FHOD3: variants seen among roughly 807,000 people sequenced by gnomAD.
FHOD3 encodes the protein FH1/FH2 domain-containing protein 3.
Under a neutral mutation model 173.0 loss-of-function variants are expected in FHOD3, and 90 were observed. That is an observed-to-expected ratio of 0.52 (90% CI 0.44 to 0.62). The LOEUF (loss-of-function observed/expected upper bound fraction) is 0.62, where lower values mean the gene tolerates loss of function less well. Ranked by LOEUF, FHOD3 falls within the 20% of genes least tolerant of loss-of-function variation. The pLI is 0.00. For synonymous variants in FHOD3, 828 were observed against 823.0 expected (o/e 1.01, Z -0.10); for missense variants, 1,945 against 2,034.7 (o/e 0.96, Z 0.85).
intron 3 of FHOD3, among the ~76,000 whole-genome samples, chr18:36,447,504 T>A (rs909174416): frequency 7.3e-6 from 1 of 137,088 alleles, no homozygotes; most frequent in Non-Finnish European, 1.5e-5. Flanking sequence ...TTGTTTGTTT[T>A]TTCCCCCAAT....
chr18:36,665,955 G>C (rs1247823915), intron 14 of FHOD3, among the ~76,000 whole-genome samples: 2 of 152,220 alleles, frequency 1.3e-5, no homozygotes, highest in Non-Finnish European at 2.9e-5. Context: ...CTTGGTCTTA[G>C]ATGGAGGGTG....
chr18:36,730,819 A>G lies in FHOD3; in HGVS notation c.3576+15A>G, dbSNP rs771080670. 1.1e-5 allele frequency: 17 copies of G among 1,611,486 alleles called. No homozygotes were observed. The highest frequency in any genetic ancestry group is 2.7e-5 in the African/African-American group (2 of 74,804). ...AAGGAATCGAGGTGAGGGAAGCTCT[A>G]TTAAGCATTATTTGTATTTTATCTT... On this transcript the variant is annotated intron_variant, in intron 20 of 28. Coordinates refer to ENST00000590592, the MANE Select transcript of FHOD3 (RefSeq NM_001281740.3).
chr18:36,586,553 C>T lies in FHOD3; in HGVS notation c.607-8234C>T, dbSNP rs531276031. ...AGGCTGGAGTGCAGTGGCACGATCTCGGCTCACTGCAACCTCCTGCCGCCT... is the reference window on the plus strand; with the variant it reads ...AGGCTGGAGTGCAGTGGCACGATCTTGGCTCACTGCAACCTCCTGCCGCCT... On this transcript the variant is annotated intron_variant, in intron 6 of 28. Transcript: ENST00000590592. Among the ~76,000 whole-genome samples the T allele has an allele frequency of 3.6e-4, 54 of 151,714 alleles. No homozygotes were observed. The South Asian group carries it at 0.011, about 30-fold the overall frequency.
rs143999920 is a variant in FHOD3, at chr18:36,610,307, A to G, written c.814-1645A>G. On this transcript the variant is annotated intron_variant, in intron 8 of 28. Transcript: ENST00000590592. ...TCCCTCTCATCTTTTAATAAGTTCTAGAGTTTTCACTAAAAGCAAAGGATG... is the reference window on the plus strand; with the variant it reads ...TCCCTCTCATCTTTTAATAAGTTCTGGAGTTTTCACTAAAAGCAAAGGATG... 1.6e-4 allele frequency among the ~76,000 whole-genome samples: 24 copies of G among 152,352 alleles called. No homozygotes were observed. In the East Asian group the frequency reaches 4.4e-3, roughly 28 times the overall value.
At chr18:36,434,681 CTATT>C (rs905931380) in intron 3 of FHOD3, among the ~76,000 whole-genome samples, 2 of 152,002 alleles carry the variant, frequency 1.3e-5, no homozygotes, top group Non-Finnish European at 2.9e-5. Flanking sequence ...ATTGAGTCTT[CTATT>C]TATTCAGGTG....
chr18:36,551,448 CTTTAA>C (rs554248354), intron 5 of FHOD3, among the ~76,000 whole-genome samples: 8 of 151,972 alleles, frequency 5.3e-5, no homozygotes, highest in African/African-American at 1.4e-4. Context: ...GGTATTATTT[CTTTAA>C]TTTAATTTGA....
intron 7 of FHOD3, among the ~76,000 whole-genome samples, chr18:36,595,506 C>T (rs2030190945): frequency 6.6e-6 from 1 of 152,088 alleles, no homozygotes; most frequent in African/African-American, 2.4e-5. Flanking sequence ...GCTGTACCCC[C>T]ACCCCCTTAC....
At chr18:36,713,200 C>A (rs2040266570) in intron 18 of FHOD3, among the ~76,000 whole-genome samples, 1 of 152,172 alleles carries the variant, frequency 6.6e-6, no homozygotes, top group Admixed American at 6.5e-5. Flanking sequence ...TGGGTGAAAG[C>A]AGGGGTAAAT....
intron 9 of FHOD3, among the ~76,000 whole-genome samples, chr18:36,618,843 C>T (rs1041265112): frequency 7.2e-5 from 11 of 152,128 alleles, no homozygotes; most frequent in African/African-American, 1.2e-4. Flanking sequence ...CTGCACATTG[C>T]GCCTTGTTGC....
intron 20 of FHOD3, among the ~76,000 whole-genome samples, chr18:36,739,427 G>T (rs974720395): frequency 5.3e-5 from 8 of 152,128 alleles, no homozygotes; most frequent in African/African-American, 1.9e-4. Flanking sequence ...TTCTTTCCTG[G>T]TTAAAGCCAA....
intron 3 of FHOD3, among the ~76,000 whole-genome samples, chr18:36,485,439 G>A (rs989558224): frequency 6.6e-6 from 1 of 152,128 alleles, no homozygotes; most frequent in Non-Finnish European, 1.5e-5. Context: ...GTGAGCATGC[G>A]CCCACCCATA....
At chr18:36,349,915 C>T (rs1188025915) in intron 1 of FHOD3, among the ~76,000 whole-genome samples, 1 of 152,048 alleles carries the variant, frequency 6.6e-6, no homozygotes, top group East Asian at 1.9e-4. Context: ...ACAGGTGTGT[C>T]ACCACCACAC....
At chr18:36,591,810 T>G (rs905258360) in intron 6 of FHOD3, among the ~76,000 whole-genome samples, 2 of 152,160 alleles carry the variant, frequency 1.3e-5, no homozygotes, top group African/African-American at 4.8e-5. Flanking sequence ...TATAGTCCAG[T>G]TACTCGAGAG....
At chr18:36,407,718 A>G (rs979840209) in intron 3 of FHOD3, among the ~76,000 whole-genome samples, 5 of 152,176 alleles carry the variant, frequency 3.3e-5, no homozygotes, top group Non-Finnish European at 7.4e-5. Flanking sequence ...AATCCATCCA[A>G]TGTAGAGTAG....
chr18:36,567,967 C>T (rs1156976737), intron 5 of FHOD3, among the ~76,000 whole-genome samples: 5 of 151,914 alleles, frequency 3.3e-5, no homozygotes, highest in African/African-American at 1.2e-4. Flanking sequence ...TAGCTATAGT[C>T]ATGGAAATTA....
chr18:36,640,670 C>T (rs2035240249), intron 10 of FHOD3, among the ~76,000 whole-genome samples: 1 of 152,062 alleles, frequency 6.6e-6, no homozygotes, highest in Admixed American at 6.5e-5. Context: ...TGACTAGTTG[C>T]CACAAATGGG....
chr18:36,598,767 T>A (rs2030894818), intron 7 of FHOD3, among the ~76,000 whole-genome samples: 1 of 152,148 alleles, frequency 6.6e-6, no homozygotes, highest in African/African-American at 2.4e-5. Context: ...GCCAGGATGG[T>A]CTCCATCTCC....
intron 3 of FHOD3, among the ~76,000 whole-genome samples, chr18:36,454,594 G>T (rs2144475578): frequency 6.6e-6 from 1 of 151,948 alleles, no homozygotes; most frequent in South Asian, 2.1e-4. Flanking sequence ...ATTTATCCCT[G>T]GACTCTGAGA....
At chr18:36,540,993 G>T in intron 5 of FHOD3, among the ~76,000 whole-genome samples, 1 of 152,156 alleles carries the variant, frequency 6.6e-6, no homozygotes, top group East Asian at 1.9e-4. Context: ...GCTCATGCCT[G>T]TAATCCCAGC....
Sources: allele counts gnomAD v4.1 joint callset (sites outside exome capture counted in the v4.1 genomes callset), GRCh38; gene constraint gnomAD v4.1.1; transcripts MANE v1.5; gene names NCBI Gene and HGNC (gene_info 2026-07-23, HGNC 2026-07-21).